Variants in TRIM2 observed in about 807,000 individuals in gnomAD.
TRIM2 encodes the protein tripartite motif-containing protein 2.
In TRIM2, 20 loss-of-function variants were observed where a neutral mutation model predicts 75.2. That is an observed-to-expected ratio of 0.27 (90% CI 0.19 to 0.39). The LOEUF (loss-of-function observed/expected upper bound fraction) is 0.39. Among genes scored for constraint, TRIM2 ranks in the 10% least tolerant of loss-of-function variants. The pLI is 1.00. For missense variants in TRIM2, 660 were observed against 990.8 expected, an observed-to-expected ratio of 0.67 and a Z score of 4.48; for synonymous variants, 373 against 388.3, an observed-to-expected ratio of 0.96 and a Z score of 0.46.
chr4:153,169,591 T>C (rs557503643), intron 1 of TRIM2, among the ~76,000 whole-genome samples: 7 of 152,270 alleles, frequency 4.6e-5, no homozygotes, highest in African/African-American at 1.7e-4. Flanking sequence ...TACAACTGTA[T>C]GTGTGTGTAT....
intron 3 of TRIM2, among the ~76,000 whole-genome samples, chr4:153,284,769 G>A (rs372685453): frequency 3.7e-4 from 56 of 152,018 alleles, no homozygotes; most frequent in African/African-American, 1.3e-3. Context: ...CAAGTTCTTT[G>A]CCCGTTTTTG....
At chr4:153,227,595 G>A (rs1742488823) in intron 1 of TRIM2, among the ~76,000 whole-genome samples, 1 of 152,288 alleles carries the variant, frequency 6.6e-6, no homozygotes, top group South Asian at 2.1e-4. Context: ...TTTGGTTAGG[G>A]ATAAAAAGGG....
intron 3 of TRIM2, among the ~76,000 whole-genome samples, chr4:153,281,346 G>A (rs1759295009): frequency 6.6e-6 from 1 of 152,214 alleles, no homozygotes; most frequent in Non-Finnish European, 1.5e-5. Flanking sequence ...TAAGGAAATA[G>A]CTAGAGCGGA....
rs113605336 is a variant in TRIM2, at chr4:153,303,193, G to A, written c.1510+7157G>A. ...AAGATTCAACTTTTGGCTGGACGCC[G>A]TGGCTTATGCCTGTAATCCTGGCAC... On this transcript the variant is annotated intron_variant, in intron 6 of 11. Coordinates refer to ENST00000338700, the MANE Select transcript of TRIM2 (RefSeq NM_015271.5). Among the ~76,000 whole-genome samples, 331 of 152,244 alleles carry A rather than the reference G, an allele frequency of 2.2e-3. 2 individuals carry two copies. The highest frequency in any genetic ancestry group is 3.9e-3 in the Non-Finnish European group (263 of 68,026).
intron 1 of TRIM2, among the ~76,000 whole-genome samples, chr4:153,223,239 C>T (rs1158591882): frequency 6.6e-6 from 1 of 152,156 alleles, no homozygotes; most frequent in Admixed American, 6.5e-5. Context: ...ACCTGGACGC[C>T]GCGCGGCTCC....
chr4:153,261,346 C>T lies in TRIM2; in HGVS notation c.31-8989C>T, dbSNP rs145141009. ...GCTGAGGCAGGAGCATCACTTGAAC[C>T]TGGGAGGTGGACGTTGCAGTAAGCC... On this transcript the variant is annotated intron_variant, in intron 1 of 11. Coordinates refer to ENST00000338700, the MANE Select transcript of TRIM2 (RefSeq NM_015271.5). Among the ~76,000 whole-genome samples, 110 of 152,210 alleles carry T rather than the reference C, an allele frequency of 7.2e-4. 2 individuals carry two copies. The East Asian group carries it at 0.016, about 22-fold the overall frequency.
intron 2 of TRIM2, among the ~76,000 whole-genome samples, chr4:153,272,261 G>A (rs1756887339): frequency 6.6e-6 from 1 of 151,784 alleles, no homozygotes; most frequent in Non-Finnish European, 1.5e-5. Context: ...CCATTCTCCT[G>A]CCTCAGCCTC....
chr4:153,166,571 G>A (rs1730349378), intron 1 of TRIM2, among the ~76,000 whole-genome samples: 1 of 116,338 alleles, frequency 8.6e-6, no homozygotes, highest in African/African-American at 2.9e-5. Flanking sequence ...TTGGAGATGA[G>A]GTCTCACTCC....
chr4:153,330,260 A>C (rs1771167494), intron 11 of TRIM2, among the ~76,000 whole-genome samples: 1 of 152,236 alleles, frequency 6.6e-6, no homozygotes, highest in African/African-American at 2.4e-5. Context: ...ACAATTGTAT[A>C]CAATTTCTTC....
upstream of TRIM2, among the ~76,000 whole-genome samples, chr4:153,203,394 T>TACACACACAC (rs35049904): frequency 1.3e-3 from 178 of 141,380 alleles, 1 homozygote; most frequent in Middle Eastern, 7.1e-3. Context: ...CCCACATCTC[T>TACACACACAC]ACACACACAC....
chr4:153,301,945 A>G (rs1221929731), intron 6 of TRIM2, among the ~76,000 whole-genome samples: 2 of 152,166 alleles, frequency 1.3e-5, no homozygotes, highest in African/African-American at 4.8e-5. Context: ...TTGGCTTAAC[A>G]TTGCTTTGGC....
rs1484564082 is a variant in TRIM2, at chr4:153,182,511, A to T, written c.-49+29241A>T. Reference sequence around the variant, plus strand: ...GTTTCCTCATTTGTAAATAGTACACACCCCATGGGATTGTTATTAGGGCTA... The same window carrying T: ...GTTTCCTCATTTGTAAATAGTACACTCCCCATGGGATTGTTATTAGGGCTA... On this transcript the variant is annotated intron_variant, in intron 1 of 11. Transcript: ENST00000437508. Among the ~76,000 whole-genome samples, 10 of 152,166 alleles carry T rather than the reference A, an allele frequency of 6.6e-5. No individual in the cohort carries two copies. In the South Asian group the frequency reaches 2.1e-3, roughly 32 times the overall value.
At chr4:153,167,589 G>A (rs1482041813) in intron 1 of TRIM2, among the ~76,000 whole-genome samples, 2 of 152,164 alleles carry the variant, frequency 1.3e-5, no homozygotes, top group African/African-American at 4.8e-5. Flanking sequence ...GTCTTACCAA[G>A]TTATTTATTT....
chr4:153,337,160 C>T lies in TRIM2; in HGVS notation c.*2194C>T, dbSNP rs1055794192. 2.5e-5 allele frequency: 25 copies of T among 985,262 alleles called. No individual in the cohort carries two copies. The highest frequency in any genetic ancestry group is 2.7e-5 in the Non-Finnish European group (22 of 829,922). 61.0% of individuals were successfully genotyped at this position (985,262 alleles called of 1,614,324 possible). Reference sequence around the variant, plus strand: ...TCTTGTCTAGATTGTTTAAAAGAAACTTTTCAAATTGGTTACATTAATTTT... The same window carrying T: ...TCTTGTCTAGATTGTTTAAAAGAAATTTTTCAAATTGGTTACATTAATTTT... On this transcript the variant is annotated 3_prime_UTR_variant, in exon 12 of 12. Transcript: ENST00000338700.
At chr4:153,315,620 TTA>T in intron 7 of TRIM2, 32 bp downstream of exon 7, 2 of 1,519,052 alleles carry the variant, frequency 1.3e-6, no homozygotes, top group Non-Finnish European at 1.8e-6. Context: ...CTTTAACTAC[TTA>T]TATTGATAAA....
intron 1 of TRIM2, among the ~76,000 whole-genome samples, chr4:153,208,563 C>CA (rs1163703502): frequency 6.6e-6 from 1 of 152,048 alleles, no homozygotes; most frequent in Non-Finnish European, 1.5e-5. Flanking sequence ...AAGACCAGAA[C>CA]ATAGGTCAAA....
At chr4:153,237,986 A>C (rs6855846) in intron 1 of TRIM2, among the ~76,000 whole-genome samples, 44,835 of 151,990 alleles carry the variant, frequency 0.29, 9,469 homozygotes, top group African/African-American at 0.6. Context: ...TGGGGAGTGG[A>C]AGTGGCATGA....
At chr4:153,258,402 G>GAA (rs760575264) in intron 1 of TRIM2, among the ~76,000 whole-genome samples, 3 of 142,672 alleles carry the variant, frequency 2.1e-5, no homozygotes, top group African/African-American at 2.6e-5. Flanking sequence ...AAGAAAAAAA[G>GAA]AAAAAAAAAA....
intron 1 of TRIM2, among the ~76,000 whole-genome samples, chr4:153,197,228 AC>A (rs1733868532): frequency 6.6e-6 from 1 of 152,200 alleles, no homozygotes; most frequent in Non-Finnish European, 1.5e-5. Context: ...TGAGTTTAGA[AC>A]TTTTCACCTC....
Sources: allele counts gnomAD v4.1 joint callset (sites outside exome capture counted in the v4.1 genomes callset), GRCh38; gene constraint gnomAD v4.1.1; transcripts MANE v1.5; gene names NCBI Gene and HGNC (gene_info 2026-07-23, HGNC 2026-07-21).